The following COA1 variants were observed in gnomAD, a reference collection of about 807,000 sequenced individuals.
COA1 encodes the protein cytochrome c oxidase assembly factor 1 homolog.
COA1 carries 13 observed loss-of-function variants against 16.0 expected under a neutral mutation model. The observed-to-expected ratio is 0.81, with a 90% CI of 0.53 to 1.29. The LOEUF (loss-of-function observed/expected upper bound fraction) is 1.29, where lower values mean the gene tolerates loss of function less well. Ranked by LOEUF, COA1 falls within the 50% of genes most tolerant of loss-of-function variation. The probability of loss-of-function intolerance (pLI) is 0.00; values close to 1 mark genes in which losing one functional copy is unlikely to be tolerated. For synonymous variants in COA1, 65 were observed against 65.7 expected, an observed-to-expected ratio of 0.99 and a Z score of 0.05; for missense variants, 179 against 177.0, an observed-to-expected ratio of 1.01 and a Z score of -0.06.
intron 1 of COA1, among the ~76,000 whole-genome samples, chr7:43,663,706 A>C (rs1314251459): frequency 2.0e-5 from 3 of 149,986 alleles, no homozygotes; most frequent in Non-Finnish European, 4.4e-5. Flanking sequence ...ACAAAAAAAA[A>C]CCTAAAACCC....
chr7:43,685,713 A>T (rs1489282617), intron 1 of COA1, among the ~76,000 whole-genome samples: 3 of 152,194 alleles, frequency 2.0e-5, no homozygotes, highest in Admixed American at 2.0e-4. Context: ...ACAAACCCAG[A>T]CAAAAGCAAG....
chr7:43,624,875 A>G (rs775882759), intron 6 of COA1: 4 of 1,538,668 alleles, frequency 2.6e-6, no homozygotes, highest in Admixed American at 2.0e-5. Flanking sequence ...CAAGATTTCT[A>G]CATTGAAAAT....
At chr7:43,678,216 A>G (rs949440055) in intron 1 of COA1, among the ~76,000 whole-genome samples, 8 of 152,268 alleles carry the variant, frequency 5.3e-5, no homozygotes, top group African/African-American at 1.9e-4. Flanking sequence ...ATAGTAAGAA[A>G]TTACCAAGTA....
At chr7:43,619,364 T>C (rs1204349177) in intron 6 of COA1, among the ~76,000 whole-genome samples, 2 of 152,172 alleles carry the variant, frequency 1.3e-5, no homozygotes, top group Non-Finnish European at 2.9e-5. Context: ...TAGAAACATA[T>C]TTATATGCTG....
At chr7:43,646,188 C>A (rs2089257351) in intron 3 of COA1, 1 of 186,064 alleles carries the variant, frequency 5.4e-6, no homozygotes, top group Non-Finnish European at 1.2e-5. Flanking sequence ...CCTGGAGAGG[C>A]CAAGGGAATC....
At chr7:43,634,452 G>A (rs1426939084), downstream of COA1, among the ~76,000 whole-genome samples, 1 of 152,190 alleles carries the variant, frequency 6.6e-6, no homozygotes, top group Non-Finnish European at 1.5e-5. Flanking sequence ...TAGAACACGT[G>A]GGTCCCACTG....
intron 1 of COA1, among the ~76,000 whole-genome samples, chr7:43,659,565 T>A (rs1026825490): frequency 2.0e-5 from 3 of 152,198 alleles, no homozygotes; most frequent in Non-Finnish European, 2.9e-5. Flanking sequence ...ATTAAACATT[T>A]ACTTCAGCAT....
intron 1 of COA1, among the ~76,000 whole-genome samples, chr7:43,720,956 C>T (rs2095494936): frequency 6.6e-6 from 1 of 152,196 alleles, no homozygotes. Flanking sequence ...TATCTTTCTT[C>T]CATGGCTGCT....
intron 1 of COA1, among the ~76,000 whole-genome samples, chr7:43,725,808 G>A (rs1057047591): frequency 6.6e-6 from 1 of 151,672 alleles, no homozygotes; most frequent in Non-Finnish European, 1.5e-5. Context: ...GCAGTAAGCC[G>A]AGATCGCACC....
At chr7:43,685,416 T>C (rs1026617525) in intron 1 of COA1, among the ~76,000 whole-genome samples, 3 of 151,968 alleles carry the variant, frequency 2.0e-5, no homozygotes, top group African/African-American at 7.3e-5. Context: ...AAGATCTACA[T>C]GCTTTACATA....
At chr7:43,688,382 ATAT>A (rs572179796) in intron 1 of COA1, among the ~76,000 whole-genome samples, 128 of 152,310 alleles carry the variant, frequency 8.4e-4, no homozygotes, top group Middle Eastern at 3.4e-3. Context: ...GATTTTTTCC[ATAT>A]TATTAATAGT....
chr7:43,624,748 C>G (rs1019220298), intron 6 of COA1: 1 of 1,613,612 alleles, frequency 6.2e-7, no homozygotes, highest in African/African-American at 1.3e-5. Flanking sequence ...TGCAGACAGT[C>G]TGAAAAAGAG....
At chr7:43,697,565 T>C (rs1384873618) in intron 1 of COA1, among the ~76,000 whole-genome samples, 1 of 152,228 alleles carries the variant, frequency 6.6e-6, no homozygotes, top group African/African-American at 2.4e-5. Context: ...GATTAAGGTA[T>C]GAGCCACCGC....
intron 1 of COA1, among the ~76,000 whole-genome samples, chr7:43,689,799 G>GT (rs2094193740): frequency 6.6e-6 from 1 of 152,098 alleles, no homozygotes. Flanking sequence ...ATGAAATAGT[G>GT]TATTACTTAA....
chr7:43,640,846 A>G (rs2086864436), intron 4 of COA1, 197 bp from the exon 5 acceptor site: 1 of 515,234 alleles, frequency 1.9e-6, no homozygotes, highest in African/African-American at 2.0e-5. Flanking sequence ...GTTGGCTGGT[A>G]AGGTCAATGG....
chr7:43,705,031 T>G (rs2094917942), intron 1 of COA1, among the ~76,000 whole-genome samples: 1 of 152,220 alleles, frequency 6.6e-6, no homozygotes, highest in Non-Finnish European at 1.5e-5. Flanking sequence ...TTTGTTTGGT[T>G]TAGTCAACTG....
chr7:43,676,927 TTAAAA>T (rs2093551431), intron 1 of COA1, among the ~76,000 whole-genome samples: 2 of 152,232 alleles, frequency 1.3e-5, no homozygotes, highest in Admixed American at 6.5e-5. Context: ...CTCTACACTC[TTAAAA>T]TAATAGAGGT....
intron 1 of COA1, among the ~76,000 whole-genome samples, chr7:43,688,880 A>G (rs1308584481): frequency 6.6e-6 from 1 of 152,236 alleles, no homozygotes; most frequent in Non-Finnish European, 1.5e-5. Flanking sequence ...ATCTTAATAT[A>G]GTGATATGGC....
At chr7:43,638,433 A>G (rs1470244193), downstream of COA1, among the ~76,000 whole-genome samples, 5 of 152,130 alleles carry the variant, frequency 3.3e-5, no homozygotes, top group South Asian at 1.0e-3. Flanking sequence ...GCTTTATAAT[A>G]TGTTTCCTTA....
Sources: gnomAD v4.1 joint callset for allele counts (sites outside exome capture counted in the v4.1 genomes callset) on GRCh38, gnomAD v4.1.1 for gene constraint, MANE v1.5 for transcripts, NCBI Gene and HGNC (gene_info 2026-07-23, HGNC 2026-07-21) for gene names.